DSCAM: variants seen among roughly 807,000 people sequenced by gnomAD.
DSCAM encodes DS cell adhesion molecule, also known as cell adhesion molecule DSCAM.
In DSCAM, 47 loss-of-function variants were observed where a neutral mutation model predicts 217.7. The observed-to-expected ratio is 0.22, with a 90% confidence interval of 0.17 to 0.28. DSCAM has a LOEUF of 0.28. Among genes scored for constraint, DSCAM ranks in the 10% least tolerant of loss-of-function variants. The pLI is 1.00. For synonymous variants in DSCAM, 1,056 were observed against 1,015.3 expected (o/e 1.04, Z -0.76); for missense variants, 2,080 against 2,618.3 (o/e 0.79, Z 4.49).
intron 20 of DSCAM, among the ~76,000 whole-genome samples, chr21:40,105,407 C>T (rs948755933): frequency 6.6e-6 from 1 of 152,138 alleles, no homozygotes; most frequent in African/African-American, 2.4e-5. Context: ...GGAGGGACCC[C>T]GTGGGAGGTA....
chr21:40,292,624 A>T (rs529743361), intron 10 of DSCAM, among the ~76,000 whole-genome samples: 1 of 152,326 alleles, frequency 6.6e-6, no homozygotes, highest in Admixed American at 6.5e-5. Context: ...TGAAAGTTAT[A>T]AAAATTATTT....
At chr21:40,331,747 GT>G (rs2074380119) in intron 8 of DSCAM, among the ~76,000 whole-genome samples, 1 of 152,198 alleles carries the variant, frequency 6.6e-6, no homozygotes, top group African/African-American at 2.4e-5. Flanking sequence ...AAAAGCGAAT[GT>G]TTCTGTTGTT....
chr21:40,355,460 T>A (rs1210680047), intron 4 of DSCAM, among the ~76,000 whole-genome samples: 1 of 152,178 alleles, frequency 6.6e-6, no homozygotes, highest in Non-Finnish European at 1.5e-5. Flanking sequence ...ACCACGCAGC[T>A]CAATGTCCTT....
chr21:40,292,893 G>A (rs1015231576), intron 10 of DSCAM, among the ~76,000 whole-genome samples: 2 of 151,900 alleles, frequency 1.3e-5, no homozygotes, highest in Non-Finnish European at 2.9e-5. Flanking sequence ...CCGCCACCAC[G>A]CGTGGCTAAT....
At position 40,433,805 on chromosome 21, in the gene DSCAM, G is replaced by C. The variant is rs551981080; in HGVS notation, c.509-64560C>G. On this transcript the variant is annotated intron_variant, in intron 3 of 32. Transcript: ENST00000400454. ...GGATGAGGTCACCTGAGTTGGATGA[G>C]GTCACCTGAGGTGATGACATCATCT... Among the ~76,000 whole-genome samples the C allele has an allele frequency of 3.4e-3, 523 of 152,188 alleles. 3 individuals are homozygous for C. The highest frequency in any genetic ancestry group is 0.012 in the African/African-American group (493 of 41,534).
rs867703834 is a variant in DSCAM, at chr21:40,682,811, A to G, written c.508+9999T>C. 8.5e-5 allele frequency among the ~76,000 whole-genome samples: 5 copies of G among 59,048 alleles called. 1 individual carries two copies. Among genetic ancestry groups the G allele is most frequent in the African/African-American group, 3.0e-4 (4 of 13,148 alleles). 38.7% of individuals were successfully genotyped at this position (59,048 alleles called of 152,430 possible). The stretch of plus-strand genomic sequence containing the variant: ...GAGGGGAGGGAAGGGAAGGGAAGGG[A>G]AGGGAAGGGAAGGGAAGGGAAGGGA... On this transcript the variant is annotated intron_variant, in intron 3 of 32. Coordinates refer to ENST00000400454, the MANE Select transcript of DSCAM (RefSeq NM_001389.5).
intron 9 of DSCAM, among the ~76,000 whole-genome samples, chr21:40,299,505 C>T (rs2073991048): frequency 6.6e-6 from 1 of 152,090 alleles, no homozygotes; most frequent in African/African-American, 2.4e-5. Flanking sequence ...TTGAGTTCTG[C>T]CTGGCAAAAT....
intron 1 of DSCAM, among the ~76,000 whole-genome samples, chr21:40,826,427 G>A (rs998434225): frequency 1.3e-5 from 2 of 152,322 alleles, no homozygotes; most frequent in Admixed American, 6.5e-5. Flanking sequence ...GCAATGCTGT[G>A]TTTATTTTGG....
intron 11 of DSCAM, among the ~76,000 whole-genome samples, chr21:40,204,120 T>C (rs1260803497): frequency 6.6e-6 from 1 of 152,218 alleles, no homozygotes; most frequent in Non-Finnish European, 1.5e-5. Context: ...GTCTGCTTAC[T>C]TTCCAAGAAT....
chr21:40,818,779 T>A lies in DSCAM; in HGVS notation c.43+27840A>T, dbSNP rs944870438. On this transcript the variant is annotated intron_variant, in intron 1 of 32. Coordinates refer to ENST00000400454, the MANE Select transcript of DSCAM (RefSeq NM_001389.5). The stretch of plus-strand genomic sequence containing the variant: ...AAAATAGCATTTTTTGAAGATGTGA[T>A]AAAATCTAAGAGAACGACTAAATTT... Among the ~76,000 whole-genome samples, 4 of 152,002 alleles carry A rather than the reference T, an allele frequency of 2.6e-5. No homozygotes were observed. The East Asian group carries it at 7.7e-4, about 29-fold the overall frequency.
At chr21:40,537,394 ACT>A (rs1231439246) in intron 3 of DSCAM, among the ~76,000 whole-genome samples, 3 of 152,106 alleles carry the variant, frequency 2.0e-5, no homozygotes, top group Non-Finnish European at 2.9e-5. Context: ...GAGTAACTAA[ACT>A]CTGAGAAAAC....
At chr21:40,579,461 GGAA>G (rs554926539) in intron 3 of DSCAM, among the ~76,000 whole-genome samples, 2 of 152,080 alleles carry the variant, frequency 1.3e-5, no homozygotes, top group Non-Finnish European at 2.9e-5. Flanking sequence ...TAGGAGACCT[GGAA>G]GAAGACGAAA....
intron 3 of DSCAM, among the ~76,000 whole-genome samples, chr21:40,569,478 A>T (rs2076789873): frequency 2.6e-5 from 4 of 152,220 alleles, no homozygotes; most frequent in Non-Finnish European, 4.4e-5. Flanking sequence ...CCTGAGAAAG[A>T]AGAAAATTGC....
intron 32 of DSCAM, among the ~76,000 whole-genome samples, chr21:40,020,090 G>C (rs9975584): frequency 0.33 from 49,997 of 152,006 alleles, 8,981 homozygotes; most frequent in Middle Eastern, 0.45. Flanking sequence ...GAGGGACCCA[G>C]TGGGAAGTAA....
rs58690151 is a variant in DSCAM, at chr21:40,419,138, C to CT, written c.509-49894dup. Among the ~76,000 whole-genome samples the CT allele has an allele frequency of 3.5e-3, 483 of 138,388 alleles. 1 individual carries two copies. Among genetic ancestry groups the CT allele is most frequent in the East Asian group, 0.027 (125 of 4,694 alleles). 90.8% of individuals were successfully genotyped at this position (138,388 alleles called of 152,430 possible). Reference sequence around the variant, plus strand: ...GGTGCCCGCCACCATACCCGGCTAGCTTTTTTTTTTTTTTTTGTAGTTTTA... The same window carrying CT: ...GGTGCCCGCCACCATACCCGGCTAGCTTTTTTTTTTTTTTTTTGTAGTTTTA... On this transcript the variant is annotated intron_variant, in intron 3 of 32. Coordinates refer to ENST00000400454, the MANE Select transcript of DSCAM (RefSeq NM_001389.5).
intron 3 of DSCAM, among the ~76,000 whole-genome samples, chr21:40,404,350 A>T (rs1402703757): frequency 6.6e-6 from 1 of 152,186 alleles, no homozygotes; most frequent in East Asian, 1.9e-4. Flanking sequence ...TAGATCAAAG[A>T]TTTTAGAGGA....
At chr21:40,222,318 A>T (rs1011041753) in intron 11 of DSCAM, among the ~76,000 whole-genome samples, 2 of 152,256 alleles carry the variant, frequency 1.3e-5, no homozygotes, top group Non-Finnish European at 2.9e-5. Context: ...TCCAAAAACC[A>T]ATGCATGGTG....
intron 3 of DSCAM, among the ~76,000 whole-genome samples, chr21:40,626,065 A>C (rs1047953947): frequency 6.6e-6 from 1 of 152,198 alleles, no homozygotes; most frequent in Non-Finnish European, 1.5e-5. Context: ...ATGTTTATGG[A>C]ATTCAACAGA....
chr21:40,599,845 A>G (rs1398438393), intron 3 of DSCAM, among the ~76,000 whole-genome samples: 2 of 152,236 alleles, frequency 1.3e-5, no homozygotes, highest in Admixed American at 6.5e-5. Flanking sequence ...CAAATAAACT[A>G]GAAAATCTAG....
Sources: allele counts gnomAD v4.1 joint callset (sites outside exome capture counted in the v4.1 genomes callset), GRCh38; gene constraint gnomAD v4.1.1; transcripts MANE v1.5; gene names NCBI Gene and HGNC (gene_info 2026-07-23, HGNC 2026-07-21).